Variants in ADAMTSL1 observed in about 807,000 individuals in gnomAD.
ADAMTSL1 encodes the protein ADAMTS-like protein 1.
Under a neutral mutation model 201.8 loss-of-function variants are expected in ADAMTSL1, and 126 were observed. The observed-to-expected ratio is 0.62, with a 90% CI of 0.54 to 0.72. The LOEUF is 0.72. Among genes scored for constraint, ADAMTSL1 ranks in the 30% least tolerant of loss-of-function variants. The pLI, the probability that ADAMTSL1 is intolerant of heterozygous loss-of-function variation, is 0.00. For missense variants in ADAMTSL1, 2,679 were observed against 2,277.8 expected, an observed-to-expected ratio of 1.18 and a Z score of -3.59; for synonymous variants, 1,121 against 903.4, an observed-to-expected ratio of 1.24 and a Z score of -4.32.
chr9:18,598,487 G>T (rs898498027), intron 4 of ADAMTSL1, among the ~76,000 whole-genome samples: 2 of 151,866 alleles, frequency 1.3e-5, no homozygotes, highest in South Asian at 2.1e-4. Flanking sequence ...TTTTTATTTG[G>T]ATTATTCATT....
At chr9:18,290,022 A>G (rs559260498) in intron 2 of ADAMTSL1, among the ~76,000 whole-genome samples, 1 of 152,340 alleles carries the variant, frequency 6.6e-6, no homozygotes, top group Admixed American at 6.5e-5. Context: ...GCAGGTTCAA[A>G]GAGGATAATT....
chr9:18,858,434 C>T (rs946288600), intron 23 of ADAMTSL1, among the ~76,000 whole-genome samples: 3 of 152,212 alleles, frequency 2.0e-5, no homozygotes, highest in Non-Finnish European at 4.4e-5. Context: ...CTCCCTGTCT[C>T]CCTATGAACA....
At chr9:18,578,480 G>T (rs1822881856) in intron 4 of ADAMTSL1, among the ~76,000 whole-genome samples, 1 of 152,036 alleles carries the variant, frequency 6.6e-6, no homozygotes, top group African/African-American at 2.4e-5. Flanking sequence ...ATTTGTCATT[G>T]TATGAATAGT....
intron 20 of ADAMTSL1, among the ~76,000 whole-genome samples, chr9:18,802,444 T>G (rs1480548699): frequency 1.3e-5 from 2 of 152,222 alleles, no homozygotes; most frequent in Non-Finnish European, 2.9e-5. Context: ...TACCTAATCT[T>G]GATATTTTAT....
chr9:18,504,977 G>A, intron 2 of ADAMTSL1, 21 bp downstream of exon 2: 1 of 1,591,078 alleles, frequency 6.3e-7, no homozygotes, highest in African/African-American at 1.4e-5. Context: ...CACCCGTTGG[G>A]GGTCTTTGTG....
chr9:18,639,364 G>C lies in ADAMTSL1; in HGVS notation c.787G>C (p.Glu263Gln). Residue 263 changes from glutamate to glutamine, a missense_variant, in exon 7 of 29, where the codon GAG becomes CAG. Transcript: ENST00000380548. ...SVDFQKFPDK[E>Q]ILRMAGPLTA... ...GGACTTCCAGAAATTTCCAGACAAAGAGATACTGAGAATGGCTGGACCACT... is the reference window on the plus strand; with the variant it reads ...GGACTTCCAGAAATTTCCAGACAAACAGATACTGAGAATGGCTGGACCACT... 1 of 1,613,024 alleles carries C rather than the reference G, an allele frequency of 6.2e-7. No homozygotes were observed. Among genetic ancestry groups the C allele is most frequent in the Non-Finnish European group, 8.5e-7 (1 of 1,179,288 alleles).
intron 5 of ADAMTSL1, among the ~76,000 whole-genome samples, chr9:18,630,842 T>C (rs965257593): frequency 6.6e-6 from 1 of 152,198 alleles, no homozygotes; most frequent in African/African-American, 2.4e-5. Context: ...TTTGACTCCT[T>C]CTACGACAAT....
chr9:18,621,012 C>G (rs1374211235), intron 4 of ADAMTSL1, among the ~76,000 whole-genome samples: 2 of 152,170 alleles, frequency 1.3e-5, no homozygotes, highest in Non-Finnish European at 2.9e-5. Flanking sequence ...GAAAATCAAG[C>G]CTCAATCCTC....
At chr9:18,419,026 T>C (rs1818820630) in intron 2 of ADAMTSL1, among the ~76,000 whole-genome samples, 1 of 152,142 alleles carries the variant, frequency 6.6e-6, no homozygotes, top group African/African-American at 2.4e-5. Flanking sequence ...AGTTCAGAAA[T>C]AGATTCATAT....
chr9:18,718,756 C>T (rs1181223724), intron 14 of ADAMTSL1, among the ~76,000 whole-genome samples: 2 of 152,262 alleles, frequency 1.3e-5, no homozygotes, highest in African/African-American at 4.8e-5. Flanking sequence ...ACATCACTTA[C>T]ACACCTTCAC....
chr9:18,603,735 G>T (rs1228833369), intron 4 of ADAMTSL1, among the ~76,000 whole-genome samples: 1 of 152,032 alleles, frequency 6.6e-6, no homozygotes, highest in Non-Finnish European at 1.5e-5. Context: ...TTTACCATTT[G>T]AACCCTTTTA....
intron 2 of ADAMTSL1, among the ~76,000 whole-genome samples, chr9:18,517,422 T>C: frequency 8.4e-6 from 1 of 119,360 alleles, no homozygotes; most frequent in Non-Finnish European, 1.9e-5. Flanking sequence ...TTTTAATTTA[T>C]TTTTTTTTAT....
At chr9:18,333,215 C>T (rs1835102278) in intron 2 of ADAMTSL1, among the ~76,000 whole-genome samples, 1 of 152,156 alleles carries the variant, frequency 6.6e-6, no homozygotes, top group South Asian at 2.1e-4. Context: ...ACCTAAATCT[C>T]ATCTTGAATG....
chr9:18,380,976 G>T (rs888337991), intron 2 of ADAMTSL1, among the ~76,000 whole-genome samples: 1 of 152,164 alleles, frequency 6.6e-6, no homozygotes, highest in Non-Finnish European at 1.5e-5. Context: ...TGTGGGTAGC[G>T]TGTGTCTCCT....
chr9:18,550,056 A>AT (rs1820707558), intron 3 of ADAMTSL1, among the ~76,000 whole-genome samples: 1 of 151,938 alleles, frequency 6.6e-6, no homozygotes, highest in Non-Finnish European at 1.5e-5. Context: ...CTGGAAAGAC[A>AT]TTTTATGAGA....
chr9:18,478,369 A>G (rs949310849), intron 1 of ADAMTSL1, among the ~76,000 whole-genome samples: 5 of 152,146 alleles, frequency 3.3e-5, no homozygotes, highest in Admixed American at 6.5e-5. Context: ...AAACTCTTCC[A>G]GGAAAAATAC....
In ADAMTSL1 at chr9:18,770,240, A is replaced by G. The variant is rs117556699; in HGVS notation, c.2218-362A>G. Among the ~76,000 whole-genome samples the G allele has an allele frequency of 4.8e-3, 724 of 152,344 alleles. 2 individuals are homozygous for G. The highest frequency in any genetic ancestry group is 0.017 in the Middle Eastern group (5 of 294). On this transcript the variant is annotated intron_variant, in intron 16 of 28. Coordinates refer to ENST00000380548, the MANE Select transcript of ADAMTSL1 (RefSeq NM_001040272.6). ...CTCTCCTGTTCATTCTGGAAGCAGC[A>G]CAGATTATTTTCCCTGGATCGTAAA...
chr9:18,630,341 T>G (rs991091624), intron 5 of ADAMTSL1, among the ~76,000 whole-genome samples: 1 of 152,234 alleles, frequency 6.6e-6, no homozygotes, highest in Non-Finnish European at 1.5e-5. Flanking sequence ...ATAATTCTTT[T>G]GTGTAGTTCT....
At chr9:18,665,956 A>G (rs35606703) in intron 9 of ADAMTSL1, among the ~76,000 whole-genome samples, 36,005 of 152,122 alleles carry the variant, frequency 0.24, 4,521 homozygotes, top group South Asian at 0.35. Context: ...TGCTTTTGCT[A>G]TATTTCTTTC....
Sources: gnomAD v4.1 joint callset for allele counts (sites outside exome capture counted in the v4.1 genomes callset) on GRCh38, gnomAD v4.1.1 for gene constraint, MANE v1.5 for transcripts, NCBI Gene and HGNC (gene_info 2026-07-23, HGNC 2026-07-21) for gene names.